The following LYPD5 variants were observed in gnomAD, a reference collection of about 807,000 sequenced individuals.
The protein encoded by LYPD5 is ly6/PLAUR domain-containing protein 5.
In LYPD5, 21 loss-of-function variants were observed where a neutral mutation model predicts 19.1. The observed-to-expected ratio is 1.10, with a 90% CI of 0.78 to 1.58. LYPD5 has a LOEUF of 1.58. LYPD5 is among the 40% of genes most tolerant of loss of function. The pLI is 0.00. For missense variants in LYPD5, 287 were observed against 329.8 expected (o/e 0.87, Z 1.00); for synonymous variants, 128 against 142.7 (o/e 0.90, Z 0.74).
At chr19:43,802,545 AGG>A, upstream of LYPD5, 1 of 318,454 alleles carries the variant, frequency 3.1e-6, no homozygotes, top group South Asian at 1.1e-4. Flanking sequence ...TGATGGAAAC[AGG>A]GTGATCCTCA....
At chr19:43,799,098 C>CCCCCCCCT (rs1970182595) in intron 2 of LYPD5, 110 bp from the exon 3 acceptor site, 1 of 1,014,114 alleles carries the variant, frequency 9.9e-7, no homozygotes, top group African/African-American at 1.9e-5. Context: ...ACCTCCTCCC[C>CCCCCCCCT]TCCCTCCTTC....
At chr19:43,816,777 CG>C (rs1220721560) in intron 1 of LYPD5, among the ~76,000 whole-genome samples, 2 of 152,174 alleles carry the variant, frequency 1.3e-5, no homozygotes, top group African/African-American at 4.8e-5. Flanking sequence ...GGGAGGAACC[CG>C]GTGAGAGATA....
chr19:43,800,245 C>T (rs1970205387), intron 1 of LYPD5, among the ~76,000 whole-genome samples: 2 of 152,194 alleles, frequency 1.3e-5, no homozygotes, highest in Admixed American at 1.3e-4. Context: ...GAAGTGTGGT[C>T]CTGTAGTGCC....
chr19:43,806,964 C>T (rs1310524708), upstream of LYPD5, among the ~76,000 whole-genome samples: 1 of 152,190 alleles, frequency 6.6e-6, no homozygotes, highest in Non-Finnish European at 1.5e-5. Context: ...TGGCTTATTT[C>T]ACTTAGCATA....
rs1484649341 is a variant in LYPD5, at chr19:43,797,530, G to C, written c.*61C>G. 3.1e-6 allele frequency: 4 copies of C among 1,287,016 alleles called. No individual in the cohort carries two copies. 79.7% of individuals were successfully genotyped at this position (1,287,016 alleles called of 1,614,324 possible). On this transcript the variant is annotated 3_prime_UTR_variant, in exon 5 of 5. Transcript: ENST00000377950. ...TCATTTTCCAGTGAGCTATGTGATA[G>C]GGGCTGAAGCAGCAAGAATGAGGTG...
intron 1 of LYPD5, among the ~76,000 whole-genome samples, chr19:43,801,114 T>G (rs1343052960): frequency 6.6e-6 from 1 of 151,194 alleles, no homozygotes; most frequent in Non-Finnish European, 1.5e-5. Context: ...GCCCAACTAC[T>G]TGGGAGGCTG....
rs1394549657 is a variant in LYPD5 at position 43,797,647 on chromosome 19, G to C, written c.700C>G (p.Leu234Val). 1 of 1,613,594 alleles carries C rather than the reference G, an allele frequency of 6.2e-7. No homozygotes were observed. The highest frequency in any genetic ancestry group is 1.3e-5 in the African/African-American group (1 of 74,970). ...SASATTPPRA[L>V]QVLALLLPVL... The stretch of plus-strand genomic sequence containing the variant: ...GGGAGGAGCAGGGCCAGGACCTGTA[G>C]TGCTCGGGGAGGGGTGGTGGCTGAA... Residue 234 changes from leucine (L) to valine (V), a missense_variant, in exon 5 of 5, where the codon CTA becomes GTA. Leu to Val is a conservative substitution (Grantham distance 32). Coordinates refer to ENST00000377950, the MANE Select transcript of LYPD5 (RefSeq NM_001031749.3).
At chr19:43,806,535 G>A (rs565490504), upstream of LYPD5, among the ~76,000 whole-genome samples, 3 of 152,070 alleles carry the variant, frequency 2.0e-5, no homozygotes, top group African/African-American at 4.8e-5. Flanking sequence ...TAGTGGGCAC[G>A]CCTGTAATCC....
chr19:43,819,397 G>A (rs1184052649), intron 1 of LYPD5, among the ~76,000 whole-genome samples: 1 of 149,800 alleles, frequency 6.7e-6, no homozygotes, highest in African/African-American at 2.5e-5. Flanking sequence ...CGAGTCTCCT[G>A]CCTCAGCCTC....
chr19:43,812,419 CATT>C (rs1316873061), intron 1 of LYPD5, among the ~76,000 whole-genome samples: 3 of 151,802 alleles, frequency 2.0e-5, no homozygotes, highest in Admixed American at 6.6e-5. Flanking sequence ...TATCTATCAT[CATT>C]ATCATCTTTA....
At chr19:43,817,729 T>A (rs143171501) in intron 1 of LYPD5, among the ~76,000 whole-genome samples, 4,149 of 152,008 alleles carry the variant, frequency 0.027, 182 homozygotes, top group African/African-American at 0.092. Context: ...TTATTTTTTT[T>A]TTTTTTGAGA....
At chr19:43,802,474 C>G (rs1970236584), upstream of LYPD5, 3 of 1,186,534 alleles carry the variant, frequency 2.5e-6, no homozygotes, top group Non-Finnish European at 2.4e-6. Context: ...GGCCACCCAG[C>G]CTGGCCAGTA....
chr19:43,804,776 G>C (rs985878184), upstream of LYPD5, among the ~76,000 whole-genome samples: 2 of 152,160 alleles, frequency 1.3e-5, no homozygotes, highest in East Asian at 3.8e-4. Context: ...GGTTGTGCTC[G>C]GGGGTCTCTG....
intron 1 of LYPD5, among the ~76,000 whole-genome samples, chr19:43,810,533 TCCCTCCCCTCCCCTCCCCTC>T (rs147038876): frequency 1.2e-5 from 1 of 86,260 alleles, no homozygotes; most frequent in Non-Finnish European, 2.4e-5. Flanking sequence ...TCCCTTCCGT[TCCCTCCCCTCCCCTCCCCTC>T]CCTTCCCCTC....
rs1400517097 is a variant in LYPD5, at chr19:43,802,447, T to C, written c.-67A>G. 1.4e-6 allele frequency: 2 copies of C among 1,468,446 alleles called. No individual in the cohort carries two copies. Among genetic ancestry groups the C allele is most frequent in the Non-Finnish European group, 1.9e-6 (2 of 1,072,548 alleles). 91.0% of individuals were successfully genotyped at this position (1,468,446 alleles called of 1,614,324 possible). ...GTGCTGCCTGGCTGGTTCTCCTTACTGAGTCCTAAGCATCCCGGCCACCCA... is the reference window on the plus strand; with the variant it reads ...GTGCTGCCTGGCTGGTTCTCCTTACCGAGTCCTAAGCATCCCGGCCACCCA... On this transcript the variant is annotated 5_prime_UTR_variant, in exon 1 of 5. Coordinates refer to ENST00000377950, the MANE Select transcript of LYPD5 (RefSeq NM_001031749.3).
chr19:43,802,577 T>G, upstream of LYPD5: 1 of 583,216 alleles, frequency 1.7e-6, no homozygotes, highest in South Asian at 2.0e-5. Context: ...GATCTACACT[T>G]CTGGGTCTGA....
At chr19:43,815,188 G>A (rs1227970371) in intron 1 of LYPD5, among the ~76,000 whole-genome samples, 1 of 152,118 alleles carries the variant, frequency 6.6e-6, no homozygotes, top group East Asian at 1.9e-4. Flanking sequence ...CAGCCTTCAA[G>A]TTTATCTGAA....
chr19:43,815,817 A>C, intron 1 of LYPD5: 1 of 355,774 alleles, frequency 2.8e-6, no homozygotes, highest in South Asian at 2.3e-5. Flanking sequence ...AGCTCACTGC[A>C]ACCTCTGCTT....
Position 43,797,569 on chromosome 19 carries a change from C to T in LYPD5, c.*22G>A, listed in dbSNP as rs1185574468. 3 of 1,549,136 alleles carry T rather than the reference C, an allele frequency of 1.9e-6. No individual in the cohort carries two copies. In the African/African-American group the frequency reaches 4.1e-5, roughly 21 times the overall value. On this transcript the variant is annotated 3_prime_UTR_variant, in exon 5 of 5. Coordinates refer to ENST00000377950, the MANE Select transcript of LYPD5 (RefSeq NM_001031749.3). ...AAGAATGAGGTGTGTGAGCCCTGTC[C>T]CCAGCATCCTGGAGGGGCGGTCTAT...
Sources: allele counts gnomAD v4.1 joint callset (sites outside exome capture counted in the v4.1 genomes callset), GRCh38; gene constraint gnomAD v4.1.1; transcripts MANE v1.5; gene names NCBI Gene and HGNC (gene_info 2026-07-23, HGNC 2026-07-21).